NKAIN2: variants seen among roughly 807,000 people sequenced by gnomAD.
The protein encoded by NKAIN2 is sodium/potassium transporting ATPase interacting 2, also known as sodium/potassium-transporting ATPase subunit beta-1-interacting protein 2.
In NKAIN2, 14 loss-of-function variants were observed where a neutral mutation model predicts 32.6. That is an observed-to-expected ratio of 0.43 (90% CI 0.28 to 0.67). The LOEUF is 0.67. NKAIN2 is among the 30% of genes least tolerant of loss of function. The pLI is 0.17. For missense variants in NKAIN2, 198 were observed against 258.3 expected (o/e 0.77, Z 1.60); for synonymous variants, 80 against 87.2 (o/e 0.92, Z 0.46).
At chr6:124,463,936 A>T (rs368085939) in intron 3 of NKAIN2, among the ~76,000 whole-genome samples, 5 of 152,066 alleles carry the variant, frequency 3.3e-5, no homozygotes, top group African/African-American at 1.2e-4. Context: ...ACCTCTAAAG[A>T]TAGTAAGGTT....
intron 1 of NKAIN2, among the ~76,000 whole-genome samples, chr6:123,993,760 A>G (rs1173379989): frequency 6.6e-6 from 1 of 152,180 alleles, no homozygotes; most frequent in African/African-American, 2.4e-5. Flanking sequence ...TTTTATGTCC[A>G]TGTGCCTTCC....
chr6:124,511,223 C>T (rs557450063), intron 3 of NKAIN2, among the ~76,000 whole-genome samples: 39 of 152,088 alleles, frequency 2.6e-4, no homozygotes, highest in Non-Finnish European at 2.9e-5. Flanking sequence ...ATATCTTGAG[C>T]ATTTTAGTTC....
At chr6:124,431,904 A>T (rs553860178) in intron 3 of NKAIN2, among the ~76,000 whole-genome samples, 1 of 152,216 alleles carries the variant, frequency 6.6e-6, no homozygotes, top group Non-Finnish European at 1.5e-5. Flanking sequence ...AGGAAAAAAT[A>T]GTTATTTCAC....
At chr6:124,229,924 G>A (rs1792358955) in intron 1 of NKAIN2, among the ~76,000 whole-genome samples, 1 of 152,134 alleles carries the variant, frequency 6.6e-6, no homozygotes, top group South Asian at 2.1e-4. Flanking sequence ...GGTACCAGTA[G>A]GGTGGGGCAT....
chr6:124,439,636 T>C (rs1405317591), intron 3 of NKAIN2, among the ~76,000 whole-genome samples: 1 of 151,904 alleles, frequency 6.6e-6, no homozygotes, highest in African/African-American at 2.4e-5. Flanking sequence ...TCCGTTTTTT[T>C]TTTAATCAGA....
chr6:124,736,204 C>G (rs899123931), intron 4 of NKAIN2, among the ~76,000 whole-genome samples: 1 of 151,920 alleles, frequency 6.6e-6, no homozygotes, highest in Non-Finnish European at 1.5e-5. Flanking sequence ...CCACAAAATT[C>G]CCCAAAGCTC....
intron 1 of NKAIN2, among the ~76,000 whole-genome samples, chr6:123,813,142 T>C (rs2114868076): frequency 6.6e-6 from 1 of 152,298 alleles, no homozygotes; most frequent in East Asian, 1.9e-4. Context: ...GAAACAAAAG[T>C]TATAAGAACC....
At chr6:124,725,899 C>A (rs144856181) in intron 4 of NKAIN2, among the ~76,000 whole-genome samples, 1 of 152,222 alleles carries the variant, frequency 6.6e-6, no homozygotes, top group East Asian at 1.9e-4. Context: ...ACTTGGGAAG[C>A]GCAAGGGGTC....
chr6:124,480,513 A>G (rs1194648599), intron 3 of NKAIN2, among the ~76,000 whole-genome samples: 2 of 151,842 alleles, frequency 1.3e-5, no homozygotes, highest in African/African-American at 4.8e-5. Context: ...GTCAATTAAT[A>G]CTCTTGCTGG....
intron 1 of NKAIN2, among the ~76,000 whole-genome samples, chr6:123,879,748 T>TA (rs1773363137): frequency 6.6e-6 from 1 of 152,200 alleles, no homozygotes; most frequent in Non-Finnish European, 1.5e-5. Flanking sequence ...GACATGGCTG[T>TA]TTCCAGTGTA....
chr6:124,412,154 ATCT>A (rs1774221794), intron 3 of NKAIN2, among the ~76,000 whole-genome samples: 1 of 151,966 alleles, frequency 6.6e-6, no homozygotes, highest in Non-Finnish European at 1.5e-5. Context: ...GAGTAGTTCG[ATCT>A]TCTGAAGCCT....
chr6:124,631,930 C>T (rs1474159378), intron 3 of NKAIN2, among the ~76,000 whole-genome samples: 2 of 152,082 alleles, frequency 1.3e-5, no homozygotes, highest in African/African-American at 4.8e-5. Flanking sequence ...TGTAAAAGAT[C>T]CCTTAAGTAA....
rs1184975523 is a variant in NKAIN2 at position 124,339,493 on chromosome 6, G to A, written c.193-15774G>A. On this transcript the variant is annotated intron_variant, in intron 2 of 6. Transcript: ENST00000368417. ...TCCTTGCCTCTTCCAGGTTCTGTTA[G>A]CTGTGGGATTACCTGGTTTGTGGCC... 3.3e-5 allele frequency among the ~76,000 whole-genome samples: 5 copies of A among 152,136 alleles called. No individual in the cohort carries two copies. In the East Asian group the frequency reaches 5.8e-4, roughly 18 times the overall value.
At chr6:124,372,852 G>A (rs1317055909) in intron 3 of NKAIN2, among the ~76,000 whole-genome samples, 1 of 152,074 alleles carries the variant, frequency 6.6e-6, no homozygotes, top group African/African-American at 2.4e-5. Context: ...AACATTCTGG[G>A]TTGATCCTCA....
chr6:124,334,554 G>C (rs1398192948), intron 2 of NKAIN2, among the ~76,000 whole-genome samples: 2 of 5,250 alleles, frequency 3.8e-4, no homozygotes, highest in African/African-American at 2.7e-3. Flanking sequence ...GGTTCCTGGT[G>C]GGGGGCACTA....
intron 3 of NKAIN2, among the ~76,000 whole-genome samples, chr6:124,496,090 C>T (rs1778053887): frequency 1.3e-5 from 2 of 152,096 alleles, no homozygotes; most frequent in Admixed American, 6.6e-5. Flanking sequence ...AGCATGCTAT[C>T]TCAATTTATT....
chr6:124,212,205 A>T (rs987998761), intron 1 of NKAIN2, among the ~76,000 whole-genome samples: 1 of 151,912 alleles, frequency 6.6e-6, no homozygotes, highest in Non-Finnish European at 1.5e-5. Flanking sequence ...CTTTGTCATT[A>T]TTTGCAGTTT....
intron 3 of NKAIN2, among the ~76,000 whole-genome samples, chr6:124,409,508 C>G (rs1026091422): frequency 7.2e-5 from 11 of 152,130 alleles, no homozygotes; most frequent in African/African-American, 1.4e-4. Context: ...ATTGATTTTC[C>G]TATGTTGGAC....
At chr6:124,099,739 G>T (rs1025056613) in intron 1 of NKAIN2, among the ~76,000 whole-genome samples, 1 of 152,076 alleles carries the variant, frequency 6.6e-6, no homozygotes, top group East Asian at 1.9e-4. Flanking sequence ...GGTGCTCCTG[G>T]CATCCAGTGA....
Sources: gnomAD v4.1 joint callset for allele counts (sites outside exome capture counted in the v4.1 genomes callset) on GRCh38, gnomAD v4.1.1 for gene constraint, MANE v1.5 for transcripts, NCBI Gene and HGNC (gene_info 2026-07-23, HGNC 2026-07-21) for gene names.